The following ARHGEF28 variants were observed in gnomAD, a reference collection of about 807,000 sequenced individuals.
ARHGEF28 encodes the protein Rho guanine nucleotide exchange factor 28.
ARHGEF28 carries 152 observed loss-of-function variants against 206.6 expected under a neutral mutation model. The observed-to-expected ratio is 0.74, with a 90% CI of 0.64 to 0.84. The LOEUF (loss-of-function observed/expected upper bound fraction) is 0.84. Ranked by LOEUF, ARHGEF28 falls within the 40% of genes least tolerant of loss-of-function variation. The probability of loss-of-function intolerance (pLI) is 0.00; values close to 1 mark genes in which losing one functional copy is unlikely to be tolerated. For synonymous variants in ARHGEF28, 763 were observed against 776.4 expected (o/e 0.98, Z 0.29); for missense variants, 2,028 against 2,073.2 (o/e 0.98, Z 0.42).
intron 10 of ARHGEF28, among the ~76,000 whole-genome samples, chr5:73,840,276 G>T (rs1757902598): frequency 6.6e-6 from 1 of 152,014 alleles, no homozygotes; most frequent in Non-Finnish European, 1.5e-5. Flanking sequence ...ACCACACCCT[G>T]GCTAATTTTT....
At chr5:73,789,443 G>T in intron 7 of ARHGEF28, among the ~76,000 whole-genome samples, 1 of 152,270 alleles carries the variant, frequency 6.6e-6, no homozygotes, top group Admixed American at 6.5e-5. Flanking sequence ...TTGCTAATGC[G>T]TGTGGGGTTT....
intron 1 of ARHGEF28, among the ~76,000 whole-genome samples, chr5:73,650,163 G>A (rs1744710217): frequency 6.6e-6 from 1 of 152,088 alleles, no homozygotes; most frequent in Non-Finnish European, 1.5e-5. Context: ...AGTTAAAGTG[G>A]CTCATGTAAG....
chr5:73,758,276 C>A (rs895880787), intron 4 of ARHGEF28, among the ~76,000 whole-genome samples: 1 of 152,126 alleles, frequency 6.6e-6, no homozygotes, highest in Admixed American at 6.5e-5. Flanking sequence ...AAATAAAGCC[C>A]AGTTCCTTAA....
chr5:73,733,230 T>A (rs1373228901), intron 2 of ARHGEF28, among the ~76,000 whole-genome samples: 1 of 152,194 alleles, frequency 6.6e-6, no homozygotes, highest in Non-Finnish European at 1.5e-5. Context: ...ATTGGAGTAG[T>A]TTAACAATGA....
At chr5:73,629,165 AT>A (rs1052320442) in intron 1 of ARHGEF28, among the ~76,000 whole-genome samples, 1 of 151,726 alleles carries the variant, frequency 6.6e-6, no homozygotes, top group Admixed American at 6.6e-5. Flanking sequence ...GGTCTGTTGC[AT>A]TTTCGGAGTA....
chr5:73,659,979 G>A (rs1006680505), intron 1 of ARHGEF28, among the ~76,000 whole-genome samples: 1 of 152,034 alleles, frequency 6.6e-6, no homozygotes, highest in African/African-American at 2.4e-5. Context: ...GAAGGTTGGG[G>A]TGGCTCTTTA....
At chr5:73,714,232 C>G (rs184198091) in intron 2 of ARHGEF28, among the ~76,000 whole-genome samples, 1 of 152,230 alleles carries the variant, frequency 6.6e-6, no homozygotes, top group East Asian at 1.9e-4. Flanking sequence ...TCACTTGAAA[C>G]TGATAGGAAG....
chr5:73,770,870 T>C (rs1753184652), intron 4 of ARHGEF28, among the ~76,000 whole-genome samples: 1 of 152,204 alleles, frequency 6.6e-6, no homozygotes, highest in African/African-American at 2.4e-5. Context: ...CAGGCCTGCA[T>C]GTTTACTGTT....
intron 4 of ARHGEF28, among the ~76,000 whole-genome samples, chr5:73,765,777 C>A (rs1415215255): frequency 6.6e-6 from 1 of 152,148 alleles, no homozygotes; most frequent in Non-Finnish European, 1.5e-5. Context: ...TGCATGAATA[C>A]ATATGTGGCT....
chr5:73,939,404 G>T (rs1193061315), intron 35 of ARHGEF28, among the ~76,000 whole-genome samples: 1 of 152,228 alleles, frequency 6.6e-6, no homozygotes, highest in African/African-American at 2.4e-5. Context: ...ATCAAGCTTT[G>T]TGCCTATTGG....
rs950494795 is a variant in ARHGEF28, at chr5:73,866,033, A to T, written c.2152+20A>T. ...TTGGAAGTAAGTGATGTAGAAAACG[A>T]CAAGAACTTTTAAAAATTTAATACA... On this transcript the variant is annotated intron_variant, in intron 18 of 35. Transcript: ENST00000513042. 6.3e-7 allele frequency: 1 copy of T among 1,577,746 alleles called. No homozygotes were observed. The highest frequency in any genetic ancestry group is 1.4e-5 in the African/African-American group (1 of 73,144).
intron 2 of ARHGEF28, among the ~76,000 whole-genome samples, chr5:73,735,582 C>T (rs767414420): frequency 2.0e-5 from 3 of 152,184 alleles, no homozygotes; most frequent in Non-Finnish European, 4.4e-5. Flanking sequence ...CAGCAGGGTA[C>T]TGAGAAAGAG....
rs544579948 is a variant in ARHGEF28 at position 73,813,911 on chromosome 5, A to T, written c.1025-18427A>T. ...TTATTATGTATGTGCAATTCTCTTT[A>T]AAAAAAAAAAAAAAAAGAAGGGAGT... On this transcript the variant is annotated intron_variant, in intron 9 of 35. Transcript: ENST00000513042. Among the ~76,000 whole-genome samples the T allele has an allele frequency of 8.0e-5, 6 of 75,312 alleles. No homozygotes were observed. The South Asian group carries it at 1.5e-3, about 19-fold the overall frequency. 49.4% of individuals were successfully genotyped at this position (75,312 alleles called of 152,430 possible). A position where few individuals can be genotyped will look rare whatever the true frequency, so the allele number is the denominator to read the frequency against.
intron 9 of ARHGEF28, among the ~76,000 whole-genome samples, chr5:73,822,958 TTTTC>T (rs1047667262): frequency 5.3e-5 from 8 of 152,204 alleles, no homozygotes; most frequent in African/African-American, 1.9e-4. Flanking sequence ...TGAGGGTAGT[TTTTC>T]TTTCTTTCTT....
intron 4 of ARHGEF28, among the ~76,000 whole-genome samples, chr5:73,761,970 A>G (rs1752623057): frequency 6.7e-6 from 1 of 148,870 alleles, no homozygotes; most frequent in African/African-American, 2.5e-5. Flanking sequence ...AACTGGGACT[A>G]TAGGTGTGTG....
At chr5:73,790,176 T>C (rs1754393394) in intron 7 of ARHGEF28, among the ~76,000 whole-genome samples, 4 of 152,190 alleles carry the variant, frequency 2.6e-5, no homozygotes, top group Admixed American at 2.0e-4. Context: ...CTGCAACTTT[T>C]TTTTTTTCTA....
chr5:73,826,359 TA>T (rs1403839612), intron 9 of ARHGEF28, among the ~76,000 whole-genome samples: 3 of 152,144 alleles, frequency 2.0e-5, no homozygotes, highest in Non-Finnish European at 4.4e-5. Context: ...GGTCTAGAGT[TA>T]AAACAAAATA....
At chr5:73,802,884 G>C (rs1002793843) in intron 9 of ARHGEF28, among the ~76,000 whole-genome samples, 71 of 149,024 alleles carry the variant, frequency 4.8e-4, no homozygotes, top group African/African-American at 1.5e-3. Context: ...GTGTGTGTGT[G>C]TGTGTGTGTG....
chr5:73,859,072 T>TC (rs1759227438), intron 16 of ARHGEF28, among the ~76,000 whole-genome samples: 1 of 152,060 alleles, frequency 6.6e-6, no homozygotes, highest in Non-Finnish European at 1.5e-5. Context: ...TTTCCTGATC[T>TC]CCCAGTGCCT....
Sources: allele counts gnomAD v4.1 joint callset (sites outside exome capture counted in the v4.1 genomes callset), GRCh38; gene constraint gnomAD v4.1.1; transcripts MANE v1.5; gene names NCBI Gene and HGNC (gene_info 2026-07-23, HGNC 2026-07-21).